PHKA2: variants seen among roughly 807,000 people sequenced by gnomAD.
The protein encoded by PHKA2 is phosphorylase b kinase regulatory subunit alpha, liver isoform.
Under a neutral mutation model 102.0 loss-of-function variants are expected in PHKA2, and 31 were observed. The observed-to-expected ratio is 0.30, with a 90% CI of 0.23 to 0.41. The LOEUF (loss-of-function observed/expected upper bound fraction) is 0.41. Ranked by LOEUF, PHKA2 falls within the 10% of genes least tolerant of loss-of-function variation. PHKA2 has a pLI of 1.00. For missense variants in PHKA2, 858 were observed against 1,023.1 expected, an observed-to-expected ratio of 0.84 and a Z score of 2.20; for synonymous variants, 455 against 416.2, an observed-to-expected ratio of 1.09 and a Z score of -1.13.
At chrX:18,894,835 G>A (rs2047505209) in intron 31 of PHKA2, 1 of 414,097 alleles carries the variant, frequency 2.4e-6, no homozygotes, top group South Asian at 3.6e-5. Context: ...CCATGGGGCA[G>A]GCCAGGGTGG....
chrX:18,932,339 T>A (rs1236600834), intron 11 of PHKA2, among the ~76,000 whole-genome samples: 1 of 111,739 alleles, frequency 8.9e-6, no homozygotes, highest in Non-Finnish European at 1.9e-5. Context: ...CTGCGCATTG[T>A]AAGCTAGTCT....
intron 30 of PHKA2, 74 bp from the exon 31 acceptor site, chrX:18,895,265 C>G: frequency 1.1e-6 from 1 of 907,809 alleles, no homozygotes; most frequent in Non-Finnish European, 1.6e-6. Flanking sequence ...CACAGGCGTG[C>G]ATGCACACAC....
Position 18,918,682 on chromosome X carries a change from T to A in PHKA2, c.2136A>T (p.Pro712=). The part of the protein sequence containing the change: ...VMAKAKGLEV[P]FVPMTLPTKV... Reference sequence around the variant, plus strand: ...GGCAGAAAAGAGTTAATAACATACATGGAACTTCCAAACCCTTTGCTTTTG... The same window carrying A: ...GGCAGAAAAGAGTTAATAACATACAAGGAACTTCCAAACCCTTTGCTTTTG... The change falls in exon 19 of 33, where the codon CCA becomes CCT. Residue 712 remains proline (P), a splice_region_variant and synonymous_variant. Transcript: ENST00000379942. 1 of 1,206,361 alleles carries A rather than the reference T, an allele frequency of 8.3e-7. No homozygotes were observed. The highest frequency in any genetic ancestry group is 3.0e-5 in the East Asian group (1 of 33,831).
intron 17 of PHKA2, among the ~76,000 whole-genome samples, chrX:18,922,207 C>G (rs2048134614): frequency 9.0e-6 from 1 of 110,661 alleles, no homozygotes; most frequent in African/African-American, 3.3e-5. Flanking sequence ...GATTGTGCCA[C>G]TGCACTCCAG....
Position 18,893,549 on chromosome X carries a change from A to T in PHKA2, c.3644T>A (p.Leu1215Gln). The T allele has an allele frequency of 8.3e-7, 1 of 1,211,594 alleles. No homozygotes were observed. Among genetic ancestry groups the T allele is most frequent in the Non-Finnish European group, 1.1e-6 (1 of 895,099 alleles). ...CAAATAAGAAGCCACTGCTCTTGTT[A>T]GGTAGGTCATCGTCCCATAAGCCCC... ...PSGAYGTMTY[L>Q]TRAVASYLQE... Residue 1215 changes from leucine (L) to glutamine (Q), a missense_variant, in exon 33 of 33, where the codon CTA becomes CAA. By Grantham distance (113) the Leu-to-Gln change is moderately radical (BLOSUM62 -2). Coordinates refer to ENST00000379942, the MANE Select transcript of PHKA2 (RefSeq NM_000292.3).
At position 18,931,834 on chromosome X, in the gene PHKA2, A is replaced by T. The variant is rs1170486644; in HGVS notation, c.1138-86T>A. The stretch of plus-strand genomic sequence containing the variant: ...ACCATGGGGAATGCACTGAGGATTT[A>T]TGAAATGGTACTCATCCTCCAGGCC... On this transcript the variant is annotated intron_variant, in intron 11 of 32. Transcript: ENST00000379942. 4 of 670,110 alleles carry T rather than the reference A, an allele frequency of 6.0e-6. No homozygotes were observed. In the African/African-American group the frequency reaches 6.4e-5, roughly 11 times the overall value. The allele number at this position is 670,110 out of a possible 1,213,427, so 55.2% of individuals were successfully genotyped here. A position where few individuals can be genotyped will look rare whatever the true frequency, so the allele number is the denominator to read the frequency against.
At chrX:18,931,848 A>T (rs2147935034) in intron 11 of PHKA2, 100 bp from the exon 12 acceptor site, 2 of 627,571 alleles carry the variant, frequency 3.2e-6, no homozygotes, top group Non-Finnish European at 5.4e-6. Flanking sequence ...AATGGTACTC[A>T]TCCTCCAGGC....
chrX:18,895,470 A>G (rs939999430), intron 30 of PHKA2: 7 of 365,256 alleles, frequency 1.9e-5, no homozygotes, highest in Non-Finnish European at 2.9e-5. Flanking sequence ...GAGGCTCCGC[A>G]TTGTACTTGG....
intron 1 of PHKA2, among the ~76,000 whole-genome samples, chrX:18,979,803 TTAA>T (rs1320357315): frequency 2.7e-5 from 3 of 110,571 alleles, no homozygotes; most frequent in African/African-American, 9.8e-5. Context: ...TAATTAATAA[TTAA>T]TATTAAATAA....
In PHKA2 at chrX:18,929,685, C is replaced by A. The variant is rs1184991700; in HGVS notation, c.1246-379G>T. ...TACTTTTGGGGCTCAGAAAACAACACCCCCAAAACAAAGACCTCAGCAGCA... is the reference window on the plus strand; with the variant it reads ...TACTTTTGGGGCTCAGAAAACAACAACCCCAAAACAAAGACCTCAGCAGCA... On this transcript the variant is annotated intron_variant, in intron 12 of 32. Coordinates refer to ENST00000379942, the MANE Select transcript of PHKA2 (RefSeq NM_000292.3). 3.6e-5 allele frequency among the ~76,000 whole-genome samples: 4 copies of A among 111,519 alleles called. No homozygotes were observed. In the East Asian group the frequency reaches 8.4e-4, roughly 23 times the overall value.
intron 13 of PHKA2, among the ~76,000 whole-genome samples, chrX:18,928,623 G>A (rs113681501): frequency 1.8e-5 from 2 of 112,100 alleles, no homozygotes; most frequent in African/African-American, 3.2e-5. Flanking sequence ...GCTCCACCCG[G>A]GTGCACACCA....
At position 18,941,678 on chromosome X, in the gene PHKA2, G is replaced by A. The variant is rs140662042; in HGVS notation, c.718-3C>T. 17,504 of 1,157,524 alleles carry A rather than the reference G, an allele frequency of 0.015. 121 individuals carry two copies. Among genetic ancestry groups the A allele is most frequent in the Non-Finnish European group, 0.019 (15,886 of 846,180 alleles). On this transcript the variant is annotated splice_region_variant and splice_polypyrimidine_tract_variant and intron_variant, in intron 7 of 32. Coordinates refer to ENST00000379942, the MANE Select transcript of PHKA2 (RefSeq NM_000292.3). ...GGCAGCATGGAGAACAGAATAGACT[G>A]AATGAAAAACAAAGAGGTGGTTTAA...
chrX:18,908,132 T>A, intron 21 of PHKA2, 76 bp from the exon 22 acceptor site: 1 of 1,011,783 alleles, frequency 9.9e-7, no homozygotes, highest in Non-Finnish European at 1.4e-6. Context: ...ACTGTGCATT[T>A]TGCACAGCAC....
chrX:18,968,977 C>T (rs1476905676), intron 1 of PHKA2, among the ~76,000 whole-genome samples: 1 of 111,099 alleles, frequency 9.0e-6, no homozygotes, highest in African/African-American at 3.3e-5. Flanking sequence ...ATTAGCGGGG[C>T]GTGGTGGTGC....
chrX:18,902,364 T>C (rs2047704939), intron 26 of PHKA2, among the ~76,000 whole-genome samples: 1 of 107,547 alleles, frequency 9.3e-6, no homozygotes, highest in Admixed American at 9.8e-5. Context: ...CTTGAGCTCC[T>C]GGGCTCAAGC....
chrX:18,939,950 G>A (rs2048463680), intron 9 of PHKA2, 45 bp downstream of exon 9: 6 of 877,863 alleles, frequency 6.8e-6, no homozygotes, highest in Middle Eastern at 2.7e-4. Context: ...GCAACTTAGA[G>A]ATGAAACAGT....
rs992836369 is a variant in PHKA2 at position 18,892,960 on chromosome X, A to G, written c.*525T>C. 2.4e-5 allele frequency: 3 copies of G among 125,570 alleles called. No individual in the cohort carries two copies. Among genetic ancestry groups the G allele is most frequent in the Non-Finnish European group, 3.3e-5 (2 of 60,680 alleles). 10.3% of individuals were successfully genotyped at this position (125,570 alleles called of 1,213,427 possible). The stretch of plus-strand genomic sequence containing the variant: ...GCTATGAAAGCAAGCAAGGCACAAG[A>G]AAACCCCCATTCCACAGAGAGACAC... On this transcript the variant is annotated 3_prime_UTR_variant, in exon 33 of 33. Coordinates refer to ENST00000379942, the MANE Select transcript of PHKA2 (RefSeq NM_000292.3).
In PHKA2 at chrX:18,924,517, G is replaced by T; in HGVS notation, c.1578C>A (p.Asp526Glu). 1 of 1,211,126 alleles carries T rather than the reference G, an allele frequency of 8.3e-7. No individual in the cohort carries two copies. Among genetic ancestry groups the T allele is most frequent in the Non-Finnish European group, 1.1e-6 (1 of 894,941 alleles). The change falls in exon 16 of 33, where the codon GAC becomes GAA. Residue 526 changes from aspartate (D) to glutamate (E), a missense_variant. Physicochemically the swap from Asp to Glu is conservative, Grantham distance 45 (BLOSUM62 2). Transcript: ENST00000379942. The part of the protein sequence containing the change: ...QIFTFTPQFT[D>E]QHHFYLALDN... ...CGAGGGCCAGGTAGAAGTGATGCTG[G>T]TCGGTGAACTGAAAGTCAGAGGAGG...
At chrX:18,938,539 A>C (rs181503592) in intron 10 of PHKA2, 88 bp downstream of exon 10, 96 of 981,520 alleles carry the variant, frequency 9.8e-5, no homozygotes, top group South Asian at 1.4e-4. Context: ...CAGTGACCTA[A>C]ATTCTTGCAT....
Sources: gnomAD v4.1 joint callset for allele counts (sites outside exome capture counted in the v4.1 genomes callset) on GRCh38, gnomAD v4.1.1 for gene constraint, MANE v1.5 for transcripts, NCBI Gene and HGNC (gene_info 2026-07-23, HGNC 2026-07-21) for gene names.